KIF14: variants seen among roughly 807,000 people sequenced by gnomAD.
The protein encoded by KIF14 is kinesin family member 14.
Under a neutral mutation model 176.2 loss-of-function variants are expected in KIF14, and 98 were observed. The ratio of observed to expected loss-of-function variants is 0.56; its 90% CI spans 0.47 to 0.66. The LOEUF (loss-of-function observed/expected upper bound fraction) is 0.66. KIF14 is among the 30% of genes least tolerant of loss of function. The pLI is 0.00. For synonymous variants in KIF14, 566 were observed against 632.2 expected (o/e 0.90, Z 1.57); for missense variants, 1,751 against 1,920.4 (o/e 0.91, Z 1.65).
chr1:200,557,845 ACAT>A (rs1287574356), intron 27 of KIF14, among the ~76,000 whole-genome samples: 1 of 152,202 alleles, frequency 6.6e-6, no homozygotes, highest in African/African-American at 2.4e-5. Context: ...ATCAGTATAT[ACAT>A]AAATGAGGAG....
At chr1:200,592,026 T>C in intron 16 of KIF14, 54 bp downstream of exon 16, 6 of 1,427,352 alleles carry the variant, frequency 4.2e-6, no homozygotes, top group Non-Finnish European at 5.8e-6. Flanking sequence ...TGTGATTAAC[T>C]CTGTTGTAGA....
At chr1:200,604,699 A>G (rs1220008184) in intron 8 of KIF14, among the ~76,000 whole-genome samples, 2 of 152,118 alleles carry the variant, frequency 1.3e-5, no homozygotes, top group Non-Finnish European at 2.9e-5. Flanking sequence ...AAAAATTTTA[A>G]TAACATAAAA....
At position 200,598,239 on chromosome 1, in the gene KIF14, A is replaced by G. The variant is rs1445635288; in HGVS notation, c.2547T>C (p.His849=). ...TTTTTTTTAGAGGATTAACATACCA[A>G]TGATCATCAGCAATCAGCACCCCAG... The part of the protein sequence containing the change: ...QLSGVLIADD[H]CTIKNFGGTV... The change falls in exon 14 of 30, where the codon CAT becomes CAC. Residue 849 remains histidine (H), a splice_region_variant and synonymous_variant. Coordinates refer to ENST00000367350, the MANE Select transcript of KIF14 (RefSeq NM_014875.3). The G allele has an allele frequency of 1.2e-6, 2 of 1,611,102 alleles. No homozygotes were observed. Among genetic ancestry groups the G allele is most frequent in the South Asian group, 1.1e-5 (1 of 90,078 alleles).
chr1:200,561,565 GAAA>G (rs11296476), intron 25 of KIF14, among the ~76,000 whole-genome samples: 11 of 132,680 alleles, frequency 8.3e-5, no homozygotes, highest in Non-Finnish European at 1.8e-4. Context: ...GAAAAGAGAA[GAAA>G]AAAAAAAAAA....
Position 200,618,173 on chromosome 1 carries a change from T to C in KIF14, c.551A>G (p.Asp184Gly). Residue 184 changes from aspartate (D) to glycine (G), a missense_variant, in exon 2 of 30, where the codon GAT (aspartate) becomes GGT (glycine). Transcript: ENST00000367350. ...AGCCATCATTTCAATGACCTGTGGA[T>C]CTTCATCTAAAGGTACAGAAGAGGC... ...FVASSVPLDEDPQVIEMMADK... is the reference protein window; with the variant it reads ...FVASSVPLDEGPQVIEMMADK... 6.2e-7 allele frequency: 1 copy of C among 1,614,004 alleles called. No homozygotes were observed. The highest frequency in any genetic ancestry group is 8.5e-7 in the Non-Finnish European group (1 of 1,179,960).
At chr1:200,567,067 G>T (rs1029399871) in intron 23 of KIF14, among the ~76,000 whole-genome samples, 4 of 151,656 alleles carry the variant, frequency 2.6e-5, no homozygotes, top group Non-Finnish European at 5.9e-5. Context: ...CCAGCTACCT[G>T]GGACGCTGAG....
At chr1:200,595,932 C>CAAAAA (rs35375679) in intron 14 of KIF14, among the ~76,000 whole-genome samples, 1 of 52,240 alleles carries the variant, frequency 1.9e-5, no homozygotes. Context: ...ACTCCATCTC[C>CAAAAA]AAAAAAAAAA....
In KIF14 at chr1:200,582,107, C is replaced by T. The variant is rs1362673863; in HGVS notation, c.3242-813G>A. Among the ~76,000 whole-genome samples, 3 of 152,118 alleles carry T rather than the reference C, an allele frequency of 2.0e-5. No homozygotes were observed. The East Asian group carries it at 5.8e-4, about 29-fold the overall frequency. ...TTAAGATTATGACTGGGCACAGTAG[C>T]TCATGTCTATAATCCCCATATTTTG... On this transcript the variant is annotated intron_variant, in intron 19 of 29. Coordinates refer to ENST00000367350, the MANE Select transcript of KIF14 (RefSeq NM_014875.3).
At chr1:200,604,285 C>T (rs1659768269) in intron 8 of KIF14, among the ~76,000 whole-genome samples, 1 of 152,034 alleles carries the variant, frequency 6.6e-6, no homozygotes, top group African/African-American at 2.4e-5. Context: ...TCAGACTAGT[C>T]TCAAACTCCT....
At chr1:200,605,428 C>G (rs1164995051) in intron 7 of KIF14, 38 bp from the exon 8 acceptor site, 1 of 1,413,044 alleles carries the variant, frequency 7.1e-7, no homozygotes, top group Non-Finnish European at 9.9e-7. Context: ...GATCAGCAGA[C>G]TGTAACTCAA....
In KIF14 at chr1:200,553,408, T is replaced by C; in HGVS notation, c.4927A>G (p.Ser1643Gly). ...AGTATTCACACCCACTGAATCCTAC[T>C]GGGTGTGCATTCCTCTGAGCTCACT... ...PAVSSEECTP[S>G]RIQWV Residue 1643 changes from serine (S) to glycine (G), a missense_variant, in exon 30 of 30, where the codon AGT becomes GGT. Ser to Gly is a moderately conservative substitution (Grantham distance 56). Coordinates refer to ENST00000367350, the MANE Select transcript of KIF14 (RefSeq NM_014875.3). 2.5e-6 allele frequency: 4 copies of C among 1,611,354 alleles called. No individual in the cohort carries two copies. The highest frequency in any genetic ancestry group is 3.4e-6 in the Non-Finnish European group (4 of 1,178,844).
intron 14 of KIF14, among the ~76,000 whole-genome samples, chr1:200,595,138 A>G (rs1659263239): frequency 6.6e-6 from 1 of 152,160 alleles, no homozygotes; most frequent in Non-Finnish European, 1.5e-5. Context: ...TTCCTTCCAG[A>G]TAGGACATCC....
intron 26 of KIF14, 139 bp downstream of exon 26, chr1:200,560,583 A>T: frequency 1.0e-6 from 1 of 965,290 alleles, no homozygotes; most frequent in Non-Finnish European, 1.5e-6. Context: ...AAACAGTTTT[A>T]AATCTTATTG....
intron 8 of KIF14, 56 bp from the exon 9 acceptor site, chr1:200,604,011 G>GT (rs1391123980): frequency 8.4e-6 from 9 of 1,070,450 alleles, no homozygotes; most frequent in South Asian, 7.6e-5. Flanking sequence ...ATCAATATAG[G>GT]TTTTTTTAAA....
rs150907210 is a variant in KIF14, at chr1:200,598,206, C to T, written c.2549+31G>A. On this transcript the variant is annotated intron_variant, in intron 14 of 29. Coordinates refer to ENST00000367350, the MANE Select transcript of KIF14 (RefSeq NM_014875.3). ...ATGTTATCAAGATATAGAACAGGTG[C>T]CTTTTCTTTTTTTTTAGAGGATTAA... 1.8e-3 allele frequency: 2,795 copies of T among 1,574,704 alleles called. 25 individuals are homozygous for T. In the African/African-American group the frequency reaches 0.027, roughly 15 times the overall value.
intron 21 of KIF14, among the ~76,000 whole-genome samples, chr1:200,579,724 T>C (rs1658341620): frequency 6.6e-6 from 1 of 152,170 alleles, no homozygotes; most frequent in African/African-American, 2.4e-5. Flanking sequence ...AAAGCTCATA[T>C]GTTTAGTTTC....
At position 200,605,158 on chromosome 1, in the gene KIF14, C is replaced by T. The variant is rs537688154; in HGVS notation, c.1746+125G>A. The T allele has an allele frequency of 4.4e-5, 38 of 864,800 alleles. 1 individual carries two copies. In the African/African-American group the frequency reaches 4.6e-4, roughly 10 times the overall value. 53.6% of individuals were successfully genotyped at this position (864,800 alleles called of 1,614,324 possible). ...CTATCTTGCCTGTGGAAAAAAAATA[C>T]CTTGGTCTGGGTGATCACCAGGGTG... On this transcript the variant is annotated intron_variant, in intron 8 of 29. Coordinates refer to ENST00000367350, the MANE Select transcript of KIF14 (RefSeq NM_014875.3).
chr1:200,581,736 T>C lies in KIF14; in HGVS notation c.3242-442A>G, dbSNP rs929815466. ...AGGACATTAAAATAAAAAAGGAAAA[T>C]AATTTAGTACACAATTTCACTTTCC... On this transcript the variant is annotated intron_variant, in intron 19 of 29. Transcript: ENST00000367350. Among the ~76,000 whole-genome samples the C allele has an allele frequency of 4.0e-5, 6 of 148,804 alleles. No individual in the cohort carries two copies. In the Admixed American group the frequency reaches 4.1e-4, roughly 10 times the overall value.
At chr1:200,556,636 A>G (rs1174484197) in intron 27 of KIF14, among the ~76,000 whole-genome samples, 1 of 152,210 alleles carries the variant, frequency 6.6e-6, no homozygotes, top group African/African-American at 2.4e-5. Context: ...ACCTGCACCT[A>G]CTTCAACAGC....
Sources: gnomAD v4.1 joint callset for allele counts (sites outside exome capture counted in the v4.1 genomes callset) on GRCh38, gnomAD v4.1.1 for gene constraint, MANE v1.5 for transcripts, NCBI Gene and HGNC (gene_info 2026-07-23, HGNC 2026-07-21) for gene names.